Variants in PCCB observed in about 807,000 individuals in gnomAD.
PCCB encodes propionyl-CoA carboxylase subunit beta.
PCCB carries 43 observed loss-of-function variants against 60.7 expected under a neutral mutation model. That is an observed-to-expected ratio of 0.71 (90% confidence interval 0.55 to 0.91). PCCB has a LOEUF of 0.91. Ranked by LOEUF, PCCB falls within the 40% of genes least tolerant of loss-of-function variation. PCCB has a pLI of 0.00. For synonymous variants in PCCB, 276 were observed against 255.9 expected, an observed-to-expected ratio of 1.08 and a Z score of -0.75; for missense variants, 766 against 702.8, an observed-to-expected ratio of 1.09 and a Z score of -1.02.
chr3:136,318,065 G>A (rs905377820), intron 10 of PCCB, among the ~76,000 whole-genome samples: 10 of 152,222 alleles, frequency 6.6e-5, no homozygotes, highest in Admixed American at 1.3e-4. Flanking sequence ...TTGGCTGGGT[G>A]TGGTGCCTCA....
At chr3:136,257,500 A>G (rs1426430280) in intron 3 of PCCB, among the ~76,000 whole-genome samples, 1 of 152,194 alleles carries the variant, frequency 6.6e-6, no homozygotes, top group African/African-American at 2.4e-5. Context: ...AAGGCACTGA[A>G]TTTATATTAA....
At chr3:136,268,580 C>G (rs1245396921) in intron 5 of PCCB, among the ~76,000 whole-genome samples, 1 of 151,808 alleles carries the variant, frequency 6.6e-6, no homozygotes, top group Non-Finnish European at 1.5e-5. Context: ...TCTCCTGCCT[C>G]AGCCTCCCGA....
chr3:136,264,374 T>C (rs755977137), intron 5 of PCCB, among the ~76,000 whole-genome samples: 17 of 151,234 alleles, frequency 1.1e-4, no homozygotes, highest in Non-Finnish European at 2.2e-4. Flanking sequence ...GCTCTGGGCA[T>C]GTGTGCACTT....
chr3:136,312,685 A>G (rs915165740), intron 9 of PCCB, among the ~76,000 whole-genome samples: 1 of 152,206 alleles, frequency 6.6e-6, no homozygotes, highest in African/African-American at 2.4e-5. Context: ...TTCCTCTGAA[A>G]CCTTAGGGGA....
At chr3:136,298,097 C>T (rs1278726347) in intron 8 of PCCB, 25 bp downstream of exon 8, 4 of 1,613,858 alleles carry the variant, frequency 2.5e-6, no homozygotes, top group African/African-American at 2.7e-5. Flanking sequence ...GGTGCACCTT[C>T]TCTCATTTTG....
At chr3:136,271,990 TG>T (rs112507079) in intron 5 of PCCB, among the ~76,000 whole-genome samples, 7 of 152,312 alleles carry the variant, frequency 4.6e-5, no homozygotes, top group African/African-American at 1.4e-4. Flanking sequence ...CGATGTTGGC[TG>T]TGGGTTTATC....
intron 9 of PCCB, among the ~76,000 whole-genome samples, chr3:136,312,213 C>T (rs910358905): frequency 9.9e-5 from 15 of 152,194 alleles, no homozygotes; most frequent in African/African-American, 2.9e-4. Flanking sequence ...TTTCTTTGTG[C>T]GACCATCATA....
intron 10 of PCCB, among the ~76,000 whole-genome samples, chr3:136,325,737 CTTTA>C (rs796188497): frequency 7.9e-5 from 12 of 152,024 alleles, no homozygotes; most frequent in African/African-American, 2.9e-4. Context: ...AGTTTTTTTC[CTTTA>C]TTTAATAATT....
At position 136,330,167 on chromosome 3, in the gene PCCB, A is replaced by T. The variant is rs1935490107; in HGVS notation, c.*141A>T. The T allele has an allele frequency of 6.6e-7, 1 of 1,505,692 alleles. No homozygotes were observed. The allele number at this position is 1,505,692 out of a possible 1,614,324, so 93.3% of individuals were successfully genotyped here. On this transcript the variant is annotated 3_prime_UTR_variant, in exon 15 of 15. Coordinates refer to ENST00000251654, the MANE Select transcript of PCCB (RefSeq NM_000532.5). ...ACTAAGTTTATTAAATTCTAGAAAG[A>T]TCTCTTTTGTGCCTTACTGTAAAAT...
At chr3:136,327,428 C>T (rs1935363161) in intron 12 of PCCB, among the ~76,000 whole-genome samples, 173 bp downstream of exon 12, 1 of 152,184 alleles carries the variant, frequency 6.6e-6, no homozygotes. Context: ...GCTTTTTTAA[C>T]ACAGGGGAAC....
At chr3:136,283,799 C>T in intron 5 of PCCB, 38 bp from the exon 6 acceptor site, 2 of 1,368,844 alleles carry the variant, frequency 1.5e-6, no homozygotes, top group Middle Eastern at 3.6e-4. Context: ...CCTCAAACAT[C>T]TCTGTAACCA....
chr3:136,305,914 T>G (rs1934440636), intron 9 of PCCB, among the ~76,000 whole-genome samples: 1 of 120,388 alleles, frequency 8.3e-6, no homozygotes, highest in African/African-American at 2.5e-5. Flanking sequence ...CCTTTGGAAA[T>G]TGTGAAGGGA....
In PCCB at chr3:136,323,218, C is replaced by A. The variant is rs143138078; in HGVS notation, c.1091-3585C>A. On this transcript the variant is annotated intron_variant, in intron 10 of 14. Coordinates refer to ENST00000251654, the MANE Select transcript of PCCB (RefSeq NM_000532.5). ...TTTCTCTTAGTCTTCTCCTGGTGCTCTTATCCTGTGTATGTTGGTTCACAT... is the reference window on the plus strand; with the variant it reads ...TTTCTCTTAGTCTTCTCCTGGTGCTATTATCCTGTGTATGTTGGTTCACAT... Among the ~76,000 whole-genome samples the A allele has an allele frequency of 6.7e-3, 1,027 of 152,226 alleles. 14 individuals are homozygous for A. Among genetic ancestry groups the A allele is most frequent in the Non-Finnish European group, 5.7e-3 (387 of 68,008 alleles).
intron 5 of PCCB, among the ~76,000 whole-genome samples, chr3:136,264,606 G>A (rs749729646): frequency 2.0e-5 from 3 of 151,868 alleles, no homozygotes; most frequent in Non-Finnish European, 4.4e-5. Flanking sequence ...AGGTGTGGTG[G>A]CTCACACCTA....
At chr3:136,277,050 G>C (rs1011799053) in intron 5 of PCCB, among the ~76,000 whole-genome samples, 2 of 152,148 alleles carry the variant, frequency 1.3e-5, no homozygotes, top group Non-Finnish European at 2.9e-5. Context: ...CAAGGGATCC[G>C]GTAATGGGAC....
chr3:136,287,857 G>C (rs1290201067), intron 6 of PCCB, among the ~76,000 whole-genome samples: 1 of 152,094 alleles, frequency 6.6e-6, no homozygotes, highest in South Asian at 2.1e-4. Context: ...GTCTTGGTGC[G>C]CACATTTTAT....
chr3:136,256,855 C>T (rs1941684550), intron 3 of PCCB, among the ~76,000 whole-genome samples: 1 of 152,170 alleles, frequency 6.6e-6, no homozygotes, highest in Admixed American at 6.6e-5. Flanking sequence ...ACAAAGGTAT[C>T]CCAAGAACCA....
chr3:136,266,451 T>C (rs1941985766), intron 5 of PCCB, among the ~76,000 whole-genome samples: 1 of 152,176 alleles, frequency 6.6e-6, no homozygotes, highest in African/African-American at 2.4e-5. Flanking sequence ...AGACAGGGTC[T>C]CACTCTGTTG....
intron 5 of PCCB, among the ~76,000 whole-genome samples, chr3:136,266,362 C>G (rs1428519944): frequency 1.3e-5 from 2 of 152,126 alleles, no homozygotes; most frequent in Non-Finnish European, 2.9e-5. Flanking sequence ...CTCCTGACTT[C>G]AAACGATCCA....
Sources: gnomAD v4.1 joint callset for allele counts (sites outside exome capture counted in the v4.1 genomes callset) on GRCh38, gnomAD v4.1.1 for gene constraint, MANE v1.5 for transcripts, NCBI Gene and HGNC (gene_info 2026-07-23, HGNC 2026-07-21) for gene names.